PCLO: variants seen among roughly 807,000 people sequenced by gnomAD.
The protein encoded by PCLO is piccolo presynaptic cytomatrix protein.
Under a neutral mutation model 427.5 loss-of-function variants are expected in PCLO, and 82 were observed. That is an observed-to-expected ratio of 0.19 (90% CI 0.16 to 0.23). PCLO has a LOEUF of 0.23. PCLO is among the 10% of genes least tolerant of loss of function. The pLI is 1.00. For synonymous variants in PCLO, 2,357 were observed against 2,155.4 expected (o/e 1.09, Z -2.59); for missense variants, 6,239 against 6,115.9 (o/e 1.02, Z -0.67).
At chr7:82,820,957 A>G (rs1791776617) in intron 20 of PCLO, 1 of 1,228,600 alleles carries the variant, frequency 8.1e-7, no homozygotes, top group Non-Finnish European at 1.0e-6. Flanking sequence ...TGGGACTTAC[A>G]TGGTGATGAT....
At chr7:82,899,275 A>T (rs1291229510) in intron 9 of PCLO, among the ~76,000 whole-genome samples, 1 of 151,500 alleles carries the variant, frequency 6.6e-6, no homozygotes, top group Non-Finnish European at 1.5e-5. Context: ...TAGGATTTTT[A>T]TTGAGCAGAA....
chr7:82,776,419 C>T (rs1256757392), intron 22 of PCLO, among the ~76,000 whole-genome samples: 1 of 151,802 alleles, frequency 6.6e-6, no homozygotes, highest in African/African-American at 2.4e-5. Context: ...ATGATGAAAC[C>T]CTGCCTCTAC....
intron 20 of PCLO, among the ~76,000 whole-genome samples, chr7:82,809,491 T>C (rs1222966887): frequency 1.3e-5 from 2 of 151,704 alleles, no homozygotes; most frequent in East Asian, 1.9e-4. Context: ...ATGTCTGGAC[T>C]CTTGTAGCAC....
intron 3 of PCLO, among the ~76,000 whole-genome samples, chr7:83,125,211 G>A (rs894747141): frequency 5.3e-5 from 8 of 152,078 alleles, no homozygotes; most frequent in African/African-American, 1.7e-4. Flanking sequence ...CTGCCCGGCC[G>A]CCCATTGTCT....
intron 10 of PCLO, among the ~76,000 whole-genome samples, chr7:82,877,267 T>C (rs991001239): frequency 2.0e-5 from 3 of 152,164 alleles, no homozygotes; most frequent in Non-Finnish European, 4.4e-5. Context: ...TAGTATTTGT[T>C]GATTTTCATG....
At chr7:83,021,072 G>C (rs2116056930) in intron 3 of PCLO, among the ~76,000 whole-genome samples, 1 of 152,268 alleles carries the variant, frequency 6.6e-6, no homozygotes, top group South Asian at 2.1e-4. Context: ...AGAAGAGACT[G>C]AATCACCAAA....
chr7:83,093,090 G>A (rs974313266), intron 3 of PCLO, among the ~76,000 whole-genome samples: 18 of 151,710 alleles, frequency 1.2e-4, no homozygotes, highest in Admixed American at 9.2e-4. Flanking sequence ...CCTAGAAAAC[G>A]CTAAATTTCA....
intron 15 of PCLO, among the ~76,000 whole-genome samples, chr7:82,837,604 T>A (rs1026953590): frequency 1.1e-4 from 17 of 151,970 alleles, no homozygotes; most frequent in Non-Finnish European, 2.2e-4. Context: ...AAGTTAAATA[T>A]CTCCAAAGAA....
chr7:83,108,036 TA>T (rs1790910794), intron 3 of PCLO, among the ~76,000 whole-genome samples: 1 of 145,736 alleles, frequency 6.9e-6, no homozygotes, highest in Non-Finnish European at 1.5e-5. Flanking sequence ...GAAAGAACTC[TA>T]AAGTTTCAAA....
At position 82,950,942 on chromosome 7, in the gene PCLO, A is replaced by C. The variant is rs750254988; in HGVS notation, c.9646T>G (p.Leu3216Val). ...TCCAGTTCCAGGAGCTCACGCTCCA[A>C]GTCTAGCTGCTGCTGTTGTTTATCT... ...EEDKQQQQLD[L>V]ERELLELEKI... The change falls in exon 6 of 25, where the codon TTG becomes GTG. Residue 3216 changes from leucine (L) to valine (V), a missense_variant. Coordinates refer to ENST00000333891, the MANE Select transcript of PCLO (RefSeq NM_033026.6). 6.2e-7 allele frequency: 1 copy of C among 1,613,458 alleles called. No individual in the cohort carries two copies. The highest frequency in any genetic ancestry group is 8.5e-7 in the Non-Finnish European group (1 of 1,179,852).
Position 82,813,941 on chromosome 7 carries a change from T to C in PCLO, c.14792-8112A>G, listed in dbSNP as rs959964538. ...TTCAGTTTTTCTATTGTTATGCCAA[T>C]ACAATTAATTTCCACTATATGGGAT... On this transcript the variant is annotated intron_variant, in intron 20 of 24. Transcript: ENST00000333891. Among the ~76,000 whole-genome samples the C allele has an allele frequency of 2.0e-5, 3 of 151,836 alleles. No homozygotes were observed. In the East Asian group the frequency reaches 5.8e-4, roughly 29 times the overall value.
At chr7:83,110,576 A>G (rs1009720200) in intron 3 of PCLO, among the ~76,000 whole-genome samples, 4 of 152,028 alleles carry the variant, frequency 2.6e-5, no homozygotes, top group African/African-American at 9.7e-5. Flanking sequence ...TCACAATCCA[A>G]TTTCATAACT....
intron 9 of PCLO, chr7:82,880,544 G>C (rs1014768037): frequency 9.3e-6 from 2 of 216,158 alleles, no homozygotes; most frequent in Non-Finnish European, 2.0e-5. Flanking sequence ...TTCTTTTAAA[G>C]CAGTGGCTCT....
chr7:83,006,966 T>A (rs1045856809), intron 3 of PCLO, among the ~76,000 whole-genome samples: 3 of 151,486 alleles, frequency 2.0e-5, no homozygotes, highest in Non-Finnish European at 3.0e-5. Context: ...GCATGCTATA[T>A]TTTATGTATT....
At chr7:82,998,060 C>G (rs1352843217) in intron 3 of PCLO, among the ~76,000 whole-genome samples, 1 of 151,890 alleles carries the variant, frequency 6.6e-6, no homozygotes, top group Non-Finnish European at 1.5e-5. Flanking sequence ...ATTGGAGAGA[C>G]AGGTAGATAC....
chr7:82,995,703 A>G (rs1796479269), intron 3 of PCLO, among the ~76,000 whole-genome samples: 1 of 151,980 alleles, frequency 6.6e-6, no homozygotes, highest in Non-Finnish European at 1.5e-5. Flanking sequence ...TGTGGTCTTC[A>G]CTAAGTTACC....
At chr7:83,106,764 G>C (rs1305430725) in intron 3 of PCLO, among the ~76,000 whole-genome samples, 2 of 152,098 alleles carry the variant, frequency 1.3e-5, no homozygotes, top group Admixed American at 1.3e-4. Flanking sequence ...AACATTCCCA[G>C]AAGTATGTCT....
intron 3 of PCLO, among the ~76,000 whole-genome samples, chr7:83,071,216 T>C (rs895874768): frequency 6.6e-6 from 1 of 152,132 alleles, no homozygotes; most frequent in Non-Finnish European, 1.5e-5. Flanking sequence ...TCCCTATTCC[T>C]CTCTTCTCCC....
intron 6 of PCLO, among the ~76,000 whole-genome samples, chr7:82,941,455 G>C (rs1270236319): frequency 6.6e-6 from 1 of 152,142 alleles, no homozygotes. Flanking sequence ...GTCTTATTTA[G>C]TGCAAATAAA....
Sources: allele counts gnomAD v4.1 joint callset (sites outside exome capture counted in the v4.1 genomes callset), GRCh38; gene constraint gnomAD v4.1.1; transcripts MANE v1.5; gene names NCBI Gene and HGNC (gene_info 2026-07-23, HGNC 2026-07-21).